Variants in CELF2 observed in about 807,000 individuals in gnomAD.
The protein encoded by CELF2 is CUG triplet repeat RNA-binding protein 2.
A neutral mutation model predicts 62.6 loss-of-function variants in CELF2; 8 were observed. That is an observed-to-expected ratio of 0.13 (90% CI 0.07 to 0.23). The LOEUF is 0.23. Ranked by LOEUF, CELF2 falls within the 10% of genes least tolerant of loss-of-function variation. The pLI is 1.00. For missense variants in CELF2, 333 were observed against 671.0 expected, an observed-to-expected ratio of 0.50 and a Z score of 5.56; for synonymous variants, 258 against 250.0, an observed-to-expected ratio of 1.03 and a Z score of -0.30.
At chr10:10,472,804 G>C in the CELF2 span, among the ~76,000 whole-genome samples, 1 of 151,888 alleles carries the variant, frequency 6.6e-6, no homozygotes, top group Non-Finnish European at 1.5e-5. Flanking sequence ...TGTTCATATA[G>C]CTCACAAATG....
intron 1 of CELF2, among the ~76,000 whole-genome samples, chr10:10,873,792 T>C (rs907629894): frequency 2.0e-5 from 3 of 152,234 alleles, no homozygotes; most frequent in African/African-American, 7.2e-5. Flanking sequence ...CTGTCCCTTC[T>C]CTGAATCCTC....
At chr10:10,602,704 A>G in the CELF2 span, among the ~76,000 whole-genome samples, 1 of 152,164 alleles carries the variant, frequency 6.6e-6, no homozygotes, top group Non-Finnish European at 1.5e-5. Flanking sequence ...TCTATTTTTT[A>G]TCTACTTTTT....
chr10:10,707,112 A>G, the CELF2 span, among the ~76,000 whole-genome samples: 12 of 152,180 alleles, frequency 7.9e-5, no homozygotes, highest in African/African-American at 2.9e-4. Context: ...GTTTTCCTTC[A>G]ATGTATCAAT....
At chr10:11,216,935 TAAA>T (rs1168398770) in intron 2 of CELF2, among the ~76,000 whole-genome samples, 1 of 152,254 alleles carries the variant, frequency 6.6e-6, no homozygotes, top group African/African-American at 2.4e-5. Context: ...GTGGTGGAGA[TAAA>T]GAAGAATGCA....
At chr10:10,547,695 G>A in the CELF2 span, among the ~76,000 whole-genome samples, 1 of 114,660 alleles carries the variant, frequency 8.7e-6, no homozygotes, top group Admixed American at 9.0e-5. Context: ...GAGAGAGAGT[G>A]TGTGTGTGTG....
At chr10:10,927,360 A>AAAAAAAC (rs2065618861) in intron 2 of CELF2, 1 of 150,700 alleles carries the variant, frequency 6.6e-6, no homozygotes, top group Admixed American at 6.6e-5. Flanking sequence ...AAAAAAAAAA[A>AAAAAAAC]AAAAAACACC....
intron 4 of CELF2, among the ~76,000 whole-genome samples, chr10:11,254,939 C>T (rs1009503140): frequency 3.3e-5 from 5 of 152,218 alleles, no homozygotes; most frequent in African/African-American, 1.2e-4. Context: ...CCTTTTCTCC[C>T]CTTCCCGTTC....
At chr10:11,071,428 A>G (rs2069958436) in intron 1 of CELF2, 1 of 152,258 alleles carries the variant, frequency 6.6e-6, no homozygotes, top group South Asian at 2.1e-4. Context: ...TCGAACATCT[A>G]GGAAGAGGGA....
chr10:11,106,445 C>T (rs2053527487), intron 1 of CELF2, among the ~76,000 whole-genome samples: 1 of 152,164 alleles, frequency 6.6e-6, no homozygotes, highest in Middle Eastern at 3.2e-3. Context: ...CCATGTTGGC[C>T]AGGCTGGTCT....
In CELF2 at chr10:11,319,429, A is replaced by AAG. The variant is rs137997122; in HGVS notation, c.1097-1760_1097-1759insAG. Among the ~76,000 whole-genome samples, 871 of 152,326 alleles carry AAG rather than the reference A, an allele frequency of 5.7e-3. 13 individuals carry two copies. Among genetic ancestry groups the AAG allele is most frequent in the African/African-American group, 0.019 (810 of 41,572 alleles). On this transcript the variant is annotated intron_variant, in intron 10 of 12. Transcript: ENST00000633077. The surrounding 1 kb of genome is among the most constrained non-coding windows in gnomAD (Gnocchi z 4.4). ...AGGGACAGAGGGGAAGCACAGCGGC[A>AAG]GGGAGGTGGCCGCGATTTGCTGGTG...
chr10:10,817,045 A>G (rs2056524398), intron 1 of CELF2, among the ~76,000 whole-genome samples: 1 of 152,234 alleles, frequency 6.6e-6, no homozygotes, highest in African/African-American at 2.4e-5. Flanking sequence ...AAGTTTCCAG[A>G]TGGTACAGAA....
intron 8 of CELF2, among the ~76,000 whole-genome samples, chr10:11,277,868 C>G (rs1227525935): frequency 3.3e-5 from 5 of 152,112 alleles, no homozygotes. Context: ...GGCACATAAA[C>G]AATTCACATG....
At chr10:10,603,784 T>C in the CELF2 span, among the ~76,000 whole-genome samples, 2 of 148,446 alleles carry the variant, frequency 1.3e-5, no homozygotes, top group Non-Finnish European at 3.0e-5. Context: ...TATTTACACA[T>C]ACACACACAC....
the CELF2 span, chr10:10,784,399 T>G: frequency 6.6e-6 from 1 of 152,516 alleles, no homozygotes; most frequent in Non-Finnish European, 1.5e-5. Context: ...ACCCAAGTCC[T>G]TGTCCAGCAT....
At chr10:10,742,354 T>C in the CELF2 span, among the ~76,000 whole-genome samples, 4 of 152,212 alleles carry the variant, frequency 2.6e-5, no homozygotes, top group South Asian at 8.3e-4. Flanking sequence ...TTTGGGTGAG[T>C]GCTGTGGTTC....
chr10:11,013,079 G>A (rs1389447978), upstream of CELF2, among the ~76,000 whole-genome samples: 1 of 152,148 alleles, frequency 6.6e-6, no homozygotes, highest in Admixed American at 6.5e-5. The surrounding 1 kb of genome is among the most constrained non-coding windows in gnomAD (Gnocchi z 4.1). Flanking sequence ...TGCGAAGACA[G>A]CTGTTCCTAG....
At chr10:11,298,926 A>G (rs1305948606) in intron 9 of CELF2, among the ~76,000 whole-genome samples, 1 of 152,134 alleles carries the variant, frequency 6.6e-6, no homozygotes, top group Non-Finnish European at 1.5e-5. Flanking sequence ...AATAAGGTCC[A>G]ATGATATTTT....
At position 11,098,326 on chromosome 10, in the gene CELF2, T is replaced by C. The variant is rs1437479946; in HGVS notation, c.75-67160T>C. 2 of 152,212 alleles carry C rather than the reference T, an allele frequency of 1.3e-5. No individual in the cohort carries two copies. The highest frequency in any genetic ancestry group is 2.9e-5 in the Non-Finnish European group (2 of 68,076). 9.4% of individuals were successfully genotyped at this position (152,212 alleles called of 1,614,324 possible). On this transcript the variant is annotated intron_variant, in intron 1 of 12. Transcript: ENST00000633077. The surrounding 1 kb of genome is among the most constrained non-coding windows in gnomAD (Gnocchi z 4.0). ...GTTCAGGAGCCAGTGTGTTCTTTCCTCTGGTTCAGCAGAGAGCAGTAGACC... is the reference window on the plus strand; with the variant it reads ...GTTCAGGAGCCAGTGTGTTCTTTCCCCTGGTTCAGCAGAGAGCAGTAGACC...
intron 11 of CELF2, among the ~76,000 whole-genome samples, chr10:11,325,068 C>T (rs761255520): frequency 1.9e-4 from 29 of 152,288 alleles, no homozygotes; most frequent in Non-Finnish European, 2.9e-4. Context: ...CTTAGGAGCA[C>T]GCACCTCTCC....
Sources: allele counts gnomAD v4.1 joint callset (sites outside exome capture counted in the v4.1 genomes callset), GRCh38; gene constraint gnomAD v4.1.1; non-coding constraint Gnocchi (gnomAD v3.1); transcripts MANE v1.5; gene names NCBI Gene and HGNC (gene_info 2026-07-23, HGNC 2026-07-21).